PDE11A: variants seen among roughly 807,000 people sequenced by gnomAD.
PDE11A encodes the protein dual 3',5'-cyclic-AMP and -GMP phosphodiesterase 11A.
A neutral mutation model predicts 100.5 loss-of-function variants in PDE11A; 100 were observed. The ratio of observed to expected loss-of-function variants is 1.00; its 90% CI spans 0.85 to 1.18. PDE11A has a LOEUF of 1.18. PDE11A is among the 50% of genes most tolerant of loss of function. PDE11A has a pLI of 0.00. For missense variants in PDE11A, 1,141 were observed against 1,152.6 expected, an observed-to-expected ratio of 0.99 and a Z score of 0.15; for synonymous variants, 381 against 420.8, an observed-to-expected ratio of 0.91 and a Z score of 1.16.
chr2:177,750,792 A>G (rs1250473072), intron 10 of PDE11A, among the ~76,000 whole-genome samples: 2 of 152,354 alleles, frequency 1.3e-5, no homozygotes, highest in East Asian at 3.9e-4. Flanking sequence ...TTTGAGTACC[A>G]AAACACTTTT....
chr2:177,685,321 C>T (rs149997437), intron 15 of PDE11A, among the ~76,000 whole-genome samples: 1 of 152,276 alleles, frequency 6.6e-6, no homozygotes, highest in Non-Finnish European at 1.5e-5. Flanking sequence ...TCAGGAAAAG[C>T]CCTGTCAGAT....
chr2:177,673,202 G>A (rs1036424263), intron 17 of PDE11A, among the ~76,000 whole-genome samples: 1 of 152,206 alleles, frequency 6.6e-6, no homozygotes, highest in Non-Finnish European at 1.5e-5. Context: ...ACGTACAAGA[G>A]AGTTTTGGTG....
At chr2:178,024,849 C>T (rs1185876153) in intron 1 of PDE11A, among the ~76,000 whole-genome samples, 2 of 152,306 alleles carry the variant, frequency 1.3e-5, no homozygotes, top group Non-Finnish European at 2.9e-5. Flanking sequence ...GTAGACATCA[C>T]TTATTTTCCA....
chr2:178,064,625 G>T (rs2087019185), intron 1 of PDE11A, among the ~76,000 whole-genome samples: 1 of 151,504 alleles, frequency 6.6e-6, no homozygotes, highest in South Asian at 2.1e-4. Context: ...CCACAGTGAA[G>T]CTTCCCTCTA....
At chr2:177,729,465 C>G (rs10165826) in intron 10 of PDE11A, among the ~76,000 whole-genome samples, 13,358 of 152,184 alleles carry the variant, frequency 0.088, 1,961 homozygotes, top group African/African-American at 0.3. Flanking sequence ...ACATCTTTCT[C>G]TTTCTTGCTT....
chr2:177,995,653 C>CCT (rs753642518), intron 2 of PDE11A, among the ~76,000 whole-genome samples: 20 of 151,578 alleles, frequency 1.3e-4, no homozygotes, highest in Non-Finnish European at 2.5e-4. Context: ...ACCACCCACC[C>CCT]CGCATCTGCT....
At chr2:178,074,541 T>G (rs2087183276), upstream of PDE11A, among the ~76,000 whole-genome samples, 1 of 152,166 alleles carries the variant, frequency 6.6e-6, no homozygotes, top group African/African-American at 2.4e-5. Flanking sequence ...AGACCAACCC[T>G]GGGCTTCCTA....
At chr2:178,025,842 T>C (rs2086471673) in intron 1 of PDE11A, among the ~76,000 whole-genome samples, 1 of 152,172 alleles carries the variant, frequency 6.6e-6, no homozygotes, top group Non-Finnish European at 1.5e-5. Flanking sequence ...CCTTTTTTTC[T>C]GACACAGTGA....
intron 2 of PDE11A, among the ~76,000 whole-genome samples, chr2:178,098,565 A>G (rs1447184599): frequency 6.6e-6 from 1 of 152,226 alleles, no homozygotes; most frequent in Admixed American, 6.5e-5. Context: ...ATGCAGATCA[A>G]TCTAATTGTA....
At chr2:177,810,646 G>A (rs79755798) in intron 9 of PDE11A, among the ~76,000 whole-genome samples, 17,200 of 146,498 alleles carry the variant, frequency 0.12, 1,129 homozygotes, top group African/African-American at 0.21. Context: ...CTCTTGAGAA[G>A]AGAAATGAGA....
chr2:177,715,265 A>G (rs953229163), intron 12 of PDE11A, among the ~76,000 whole-genome samples: 29 of 152,352 alleles, frequency 1.9e-4, no homozygotes, highest in African/African-American at 6.0e-4. Context: ...TTTCGAGAAG[A>G]ACATACCATT....
chr2:177,663,357 C>A (rs1322193125), intron 19 of PDE11A, among the ~76,000 whole-genome samples: 2 of 150,436 alleles, frequency 1.3e-5, no homozygotes, highest in Admixed American at 6.6e-5. Context: ...CACAAAACCC[C>A]CTGTATCAGA....
chr2:178,042,477 CA>C (rs11291265), intron 1 of PDE11A, among the ~76,000 whole-genome samples: 71,489 of 138,280 alleles, frequency 0.52, 17,697 homozygotes, highest in East Asian at 0.69. Context: ...GACTCTGTCT[CA>C]AAAAAAAAAA....
chr2:177,718,467 A>G (rs1437890090), intron 12 of PDE11A, among the ~76,000 whole-genome samples: 1 of 152,216 alleles, frequency 6.6e-6, no homozygotes, highest in Non-Finnish European at 1.5e-5. Flanking sequence ...TATTTCACGA[A>G]GGACGTTATT....
chr2:178,059,471 G>A (rs1014426245), intron 1 of PDE11A, among the ~76,000 whole-genome samples: 1 of 152,220 alleles, frequency 6.6e-6, no homozygotes, highest in Non-Finnish European at 1.5e-5. Flanking sequence ...TGGGTCGGGT[G>A]GCTGCCTGCA....
upstream of PDE11A, among the ~76,000 whole-genome samples, chr2:178,077,746 A>G (rs1466762446): frequency 6.6e-6 from 1 of 152,144 alleles, no homozygotes; most frequent in Non-Finnish European, 1.5e-5. Context: ...GGTGGGTTCT[A>G]AATCAAGTGA....
At chr2:177,672,069 T>C (rs994376289) in intron 17 of PDE11A, among the ~76,000 whole-genome samples, 1 of 152,122 alleles carries the variant, frequency 6.6e-6, no homozygotes, top group Non-Finnish European at 1.5e-5. Flanking sequence ...CTACACTTTT[T>C]CCCAATACCT....
At chr2:177,931,220 T>C (rs1384086315) in intron 2 of PDE11A, among the ~76,000 whole-genome samples, 1 of 152,186 alleles carries the variant, frequency 6.6e-6, no homozygotes, top group Non-Finnish European at 1.5e-5. Context: ...AATTTTCTTT[T>C]GTTGTCAACG....
At chr2:178,062,606 A>ATT (rs1227399690) in intron 1 of PDE11A, among the ~76,000 whole-genome samples, 1 of 152,224 alleles carries the variant, frequency 6.6e-6, no homozygotes, top group African/African-American at 2.4e-5. Flanking sequence ...TCTTAATGCC[A>ATT]TTACAGCTGT....
Sources: gnomAD v4.1 joint callset for allele counts (sites outside exome capture counted in the v4.1 genomes callset) on GRCh38, gnomAD v4.1.1 for gene constraint, MANE v1.5 for transcripts, NCBI Gene and HGNC (gene_info 2026-07-23, HGNC 2026-07-21) for gene names.